Variants in DOLPP1 observed in about 807,000 individuals in gnomAD.
DOLPP1 encodes the protein dolichyldiphosphatase 1.
Under a neutral mutation model 34.1 loss-of-function variants are expected in DOLPP1, and 15 were observed. The ratio of observed to expected loss-of-function variants is 0.44; its 90% CI spans 0.29 to 0.68. The LOEUF (loss-of-function observed/expected upper bound fraction) is 0.68. Among genes scored for constraint, DOLPP1 ranks in the 30% least tolerant of loss-of-function variants. DOLPP1 has a pLI of 0.12. For missense variants in DOLPP1, 249 were observed against 307.1 expected (o/e 0.81, Z 1.41); for synonymous variants, 130 against 128.2 (o/e 1.01, Z -0.10).
At chr9:129,086,098 C>T (rs1349760513) in intron 5 of DOLPP1, 41 bp from the exon 6 acceptor site, 1 of 1,602,086 alleles carries the variant, frequency 6.2e-7, no homozygotes, top group South Asian at 1.1e-5. Flanking sequence ...GGGCCTGTGT[C>T]TGACTGGCTC....
At chr9:129,083,069 A>C (rs1039562804) in intron 1 of DOLPP1, among the ~76,000 whole-genome samples, 1 of 152,182 alleles carries the variant, frequency 6.6e-6, no homozygotes, top group African/African-American at 2.4e-5. Flanking sequence ...CGATGCGCTC[A>C]GGGAACTCGA....
chr9:129,085,469 C>T lies in DOLPP1; in HGVS notation c.363-49C>T. The T allele has an allele frequency of 6.3e-7, 1 of 1,587,256 alleles. No individual in the cohort carries two copies. Among genetic ancestry groups the T allele is most frequent in the Non-Finnish European group, 8.6e-7 (1 of 1,157,998 alleles). ...ATGGGGCCAGGGACTGTTTGGGAGG[C>T]CTGGGCTGGGCTGTGGGCTGAGGTC... On this transcript the variant is annotated intron_variant, in intron 4 of 7. Coordinates refer to ENST00000372546, the MANE Select transcript of DOLPP1 (RefSeq NM_020438.5). This position sits in a 1 kb window ranked among gnomAD's most constrained non-coding sequence, Gnocchi z 7.0.
intron 7 of DOLPP1, among the ~76,000 whole-genome samples, chr9:129,088,567 TG>T (rs1187733052): frequency 6.6e-6 from 1 of 152,188 alleles, no homozygotes; most frequent in African/African-American, 2.4e-5. Context: ...ACCTCCCGGA[TG>T]GGGAGCTCAC....
intron 6 of DOLPP1, 120 bp downstream of exon 6, chr9:129,086,387 G>A: frequency 7.7e-7 from 1 of 1,304,476 alleles, no homozygotes; most frequent in Non-Finnish European, 1.0e-6. Context: ...AGGCCCCAGT[G>A]CCCCAGGGTT....
Position 129,085,466 on chromosome 9 carries a change from A to C in DOLPP1, c.363-52A>C. 2.5e-6 allele frequency: 4 copies of C among 1,581,530 alleles called. No individual in the cohort carries two copies. Among genetic ancestry groups the C allele is most frequent in the Non-Finnish European group, 3.5e-6 (4 of 1,153,052 alleles). On this transcript the variant is annotated intron_variant, in intron 4 of 7. Coordinates refer to ENST00000372546, the MANE Select transcript of DOLPP1 (RefSeq NM_020438.5). The surrounding 1 kb of genome is among the most constrained non-coding windows in gnomAD (Gnocchi z 7.0). Reference sequence around the variant, plus strand: ...TGGATGGGGCCAGGGACTGTTTGGGAGGCCTGGGCTGGGCTGTGGGCTGAG... The same window carrying C: ...TGGATGGGGCCAGGGACTGTTTGGGCGGCCTGGGCTGGGCTGTGGGCTGAG...
intron 1 of DOLPP1, among the ~76,000 whole-genome samples, 168 bp downstream of exon 1, chr9:129,081,375 G>A (rs554755403): frequency 3.9e-5 from 6 of 152,294 alleles, no homozygotes; most frequent in East Asian, 1.9e-4. Flanking sequence ...CGCAGGCGCA[G>A]TGGTGCGAGG....
At chr9:129,088,366 A>G (rs1189994726) in intron 7 of DOLPP1, among the ~76,000 whole-genome samples, 1 of 151,972 alleles carries the variant, frequency 6.6e-6, no homozygotes, top group Non-Finnish European at 1.5e-5. Context: ...AGGTTTCTAG[A>G]TTTTAACTGG....
chr9:129,081,886 G>A (rs1846896339), intron 1 of DOLPP1, among the ~76,000 whole-genome samples: 1 of 152,208 alleles, frequency 6.6e-6, no homozygotes, highest in Non-Finnish European at 1.5e-5. Context: ...CCTGGGCGTG[G>A]GGGTCAGACC....
Position 129,085,155 on chromosome 9 carries a change from TA to T in DOLPP1, c.262+49del. The T allele has an allele frequency of 6.2e-7, 1 of 1,611,482 alleles. No homozygotes were observed. The highest frequency in any genetic ancestry group is 1.7e-4 in the Middle Eastern group (1 of 6,048). On this transcript the variant is annotated intron_variant, in intron 3 of 7. Transcript: ENST00000372546. This position sits in a 1 kb window ranked among gnomAD's most constrained non-coding sequence, Gnocchi z 7.0. Reference sequence around the variant, plus strand: ...CTGAGGTTCCCCCAGGTTGGGGCGTTACTGGGAGGTCTGCATCCCCCCGTGA... The same window carrying T: ...CTGAGGTTCCCCCAGGTTGGGGCGTTCTGGGAGGTCTGCATCCCCCCGTGA...
intron 1 of DOLPP1, among the ~76,000 whole-genome samples, chr9:129,082,898 T>G (rs1180248560): frequency 6.6e-6 from 1 of 152,232 alleles, no homozygotes; most frequent in African/African-American, 2.4e-5. Flanking sequence ...TGAGTCTGGA[T>G]GGCAGATTCT....
rs1299709256 is a variant in DOLPP1, at chr9:129,089,126, G to A, written c.*119G>A. 1.0e-6 allele frequency: 1 copy of A among 999,596 alleles called. No homozygotes were observed. The highest frequency in any genetic ancestry group is 1.5e-6 in the Non-Finnish European group (1 of 668,332). 61.9% of individuals were successfully genotyped at this position (999,596 alleles called of 1,614,324 possible). On this transcript the variant is annotated 3_prime_UTR_variant, in exon 8 of 8. Coordinates refer to ENST00000372546, the MANE Select transcript of DOLPP1 (RefSeq NM_020438.5). The surrounding 1 kb of genome is among the most constrained non-coding windows in gnomAD (Gnocchi z 4.9). ...CTACAGACCCAAGTCACCAAGTGGAGCCTTTTTTTTTCTTATTTTAATTTT... is the reference window on the plus strand; with the variant it reads ...CTACAGACCCAAGTCACCAAGTGGAACCTTTTTTTTTCTTATTTTAATTTT...
rs975783424 is a variant in DOLPP1, at chr9:129,085,829, A to T, written c.461+213A>T. ...AGCCCAAGATTCTGGGACCAACTCC[A>T]CGTATCAGCCATCTCTTCCCAGCGT... On this transcript the variant is annotated intron_variant, in intron 5 of 7. Coordinates refer to ENST00000372546, the MANE Select transcript of DOLPP1 (RefSeq NM_020438.5). This position sits in a 1 kb window ranked among gnomAD's most constrained non-coding sequence, Gnocchi z 7.0. Among the ~76,000 whole-genome samples, 3 of 152,174 alleles carry T rather than the reference A, an allele frequency of 2.0e-5. No individual in the cohort carries two copies. Among genetic ancestry groups the T allele is most frequent in the Non-Finnish European group, 4.4e-5 (3 of 68,018 alleles).
intron 7 of DOLPP1, among the ~76,000 whole-genome samples, chr9:129,088,285 C>T (rs912045814): frequency 7.9e-5 from 12 of 152,018 alleles, no homozygotes; most frequent in East Asian, 1.9e-4. Context: ...CGGAGGCTGC[C>T]GGGGCTGGAG....
Position 129,085,124 on chromosome 9 carries a change from G to C in DOLPP1, c.262+17G>C. The C allele has an allele frequency of 6.2e-7, 1 of 1,604,008 alleles. No homozygotes were observed. The highest frequency in any genetic ancestry group is 8.5e-7 in the Non-Finnish European group (1 of 1,174,778). On this transcript the variant is annotated intron_variant, in intron 3 of 7. Transcript: ENST00000372546. This position sits in a 1 kb window ranked among gnomAD's most constrained non-coding sequence, Gnocchi z 7.0. ...CCTGTGGAGGTAGGGCCTCAGCTGCGAGGGCCTGAGGTTCCCCCAGGTTGG... is the reference window on the plus strand; with the variant it reads ...CCTGTGGAGGTAGGGCCTCAGCTGCCAGGGCCTGAGGTTCCCCCAGGTTGG...
intron 6 of DOLPP1, 29 bp from the exon 7 acceptor site, chr9:129,086,678 GCC>G: frequency 1.9e-6 from 3 of 1,599,134 alleles, no homozygotes; most frequent in Non-Finnish European, 2.6e-6. Context: ...GCCCTGATGT[GCC>G]CCTGGCTCTC....
Position 129,085,350 on chromosome 9 carries a change from C to T in DOLPP1, c.362+44C>T. 1 of 1,582,672 alleles carries T rather than the reference C, an allele frequency of 6.3e-7. No individual in the cohort carries two copies. The highest frequency in any genetic ancestry group is 8.7e-7 in the Non-Finnish European group (1 of 1,151,730). ...CAGGATGGCCCTGAACTTGCTCAGG[C>T]CGAGTTCTGCTAGGGACTCACTGCT... is the stretch of plus-strand genomic sequence containing the variant. On this transcript the variant is annotated intron_variant, in intron 4 of 7. Coordinates refer to ENST00000372546, the MANE Select transcript of DOLPP1 (RefSeq NM_020438.5). The surrounding 1 kb of genome is among the most constrained non-coding windows in gnomAD (Gnocchi z 7.0).
intron 7 of DOLPP1, among the ~76,000 whole-genome samples, chr9:129,088,712 C>G (rs1847040017): frequency 6.6e-6 from 1 of 152,232 alleles, no homozygotes. Context: ...ATCCTGGTCC[C>G]TACCCCTGCT....
Position 129,085,710 on chromosome 9 carries a change from C to A in DOLPP1, c.461+94C>A. 2 of 1,004,982 alleles carry A rather than the reference C, an allele frequency of 2.0e-6. No homozygotes were observed. The allele number at this position is 1,004,982 out of a possible 1,614,324, so 62.3% of individuals were successfully genotyped here. On this transcript the variant is annotated intron_variant, in intron 5 of 7. Coordinates refer to ENST00000372546, the MANE Select transcript of DOLPP1 (RefSeq NM_020438.5). This position sits in a 1 kb window ranked among gnomAD's most constrained non-coding sequence, Gnocchi z 7.0. Reference sequence around the variant, plus strand: ...CGGACCCCACCATGGACCCTAGTCCCAGAACCTGTAGTGCAGGACTGGAAA... The same window carrying A: ...CGGACCCCACCATGGACCCTAGTCCAAGAACCTGTAGTGCAGGACTGGAAA...
At chr9:129,081,315 G>A in intron 1 of DOLPP1, 108 bp downstream of exon 1, 1 of 1,414,764 alleles carries the variant, frequency 7.1e-7, no homozygotes, top group Non-Finnish European at 9.6e-7. Flanking sequence ...GACCGGGGTG[G>A]GAACTGTCAA....
Sources: gnomAD v4.1 joint callset for allele counts (sites outside exome capture counted in the v4.1 genomes callset) on GRCh38, gnomAD v4.1.1 for gene constraint, Gnocchi (gnomAD v3.1) non-coding constraint, MANE v1.5 for transcripts, NCBI Gene and HGNC (gene_info 2026-07-23, HGNC 2026-07-21) for gene names.